Variants in C1RL observed in about 807,000 individuals in gnomAD.
The protein encoded by C1RL is complement C1r subcomponent-like protein.
In C1RL, 27 loss-of-function variants were observed where a neutral mutation model predicts 27.9. The ratio of observed to expected loss-of-function variants is 0.97; its 90% CI spans 0.71 to 1.33. The LOEUF is 1.33. Ranked by LOEUF, C1RL falls within the 40% of genes most tolerant of loss-of-function variation. C1RL has a pLI of 0.00. For synonymous variants in C1RL, 248 were observed against 252.1 expected, an observed-to-expected ratio of 0.98 and a Z score of 0.15; for missense variants, 563 against 623.9, an observed-to-expected ratio of 0.90 and a Z score of 1.04.
chr12:7,094,602 A>G lies in C1RL; in HGVS notation c.*1789T>C. 1 of 945,896 alleles carries G rather than the reference A, an allele frequency of 1.1e-6. No homozygotes were observed. Among genetic ancestry groups the G allele is most frequent in the Non-Finnish European group, 1.3e-6 (1 of 794,020 alleles). 58.6% of individuals were successfully genotyped at this position (945,896 alleles called of 1,614,324 possible). ...GCCTTGGCAGGGAGAAACTCATATCATTTTTTGCAATCATAAAAATAAGCA... is the reference window on the plus strand; with the variant it reads ...GCCTTGGCAGGGAGAAACTCATATCGTTTTTTGCAATCATAAAAATAAGCA... On this transcript the variant is annotated 3_prime_UTR_variant, in exon 6 of 6. Coordinates refer to ENST00000266542, the MANE Select transcript of C1RL (RefSeq NM_016546.4).
intron 2 of C1RL, chr12:7,108,002 G>A: frequency 4.9e-6 from 2 of 404,108 alleles, no homozygotes; most frequent in Non-Finnish European, 8.8e-6. Context: ...CCATTCATAA[G>A]CCTTCCAAAC....
intron 2 of C1RL, 176 bp downstream of exon 2, chr12:7,108,075 G>T: frequency 2.1e-6 from 1 of 483,544 alleles, no homozygotes; most frequent in Non-Finnish European, 3.6e-6. Flanking sequence ...GGAGGCGCTG[G>T]TGGGAGGCTG....
intron 2 of C1RL, among the ~76,000 whole-genome samples, chr12:7,102,524 A>T (rs1938655854): frequency 6.6e-6 from 1 of 152,162 alleles, no homozygotes; most frequent in South Asian, 2.1e-4. Flanking sequence ...AGCCCCTCCC[A>T]TCCAGCTTCT....
intron 2 of C1RL, among the ~76,000 whole-genome samples, chr12:7,102,666 C>G (rs1256739617): frequency 6.6e-6 from 1 of 152,220 alleles, no homozygotes; most frequent in African/African-American, 2.4e-5. Flanking sequence ...TGCTTTCCTT[C>G]TTTTGGGGTG....
chr12:7,106,008 T>C (rs1938755089), intron 2 of C1RL, among the ~76,000 whole-genome samples: 1 of 152,184 alleles, frequency 6.6e-6, no homozygotes, highest in African/African-American at 2.4e-5. Flanking sequence ...ATCTGGAAAT[T>C]ATTTAAAAAA....
In C1RL at chr12:7,096,619, G is replaced by A. The variant is rs373012039; in HGVS notation, c.1236C>T (p.Pro412=). The change falls in exon 6 of 6, where the codon CCC becomes CCT. Residue 412 remains proline (P), a synonymous_variant. Transcript: ENST00000266542. ...AGAACATATTGTCAGAAAACACCTC[G>A]GGTCTCTGTCTCTTTTGGAGCCAGG... is the stretch of plus-strand genomic sequence containing the variant. The part of the protein sequence containing the change: ...CNAWLQKRQR[P]EVFSDNMFCV... 45 of 1,614,094 alleles carry A rather than the reference G, an allele frequency of 2.8e-5. No individual in the cohort carries two copies. The African/African-American group carries it at 4.4e-4, about 16-fold the overall frequency.
chr12:7,105,943 T>A (rs1207376657), intron 2 of C1RL, among the ~76,000 whole-genome samples: 2 of 151,976 alleles, frequency 1.3e-5, no homozygotes, highest in Non-Finnish European at 2.9e-5. Context: ...AGAGAATCAA[T>A]CTAGAACATA....
chr12:7,106,861 T>C (rs1208045425), intron 2 of C1RL, among the ~76,000 whole-genome samples: 3 of 152,238 alleles, frequency 2.0e-5, no homozygotes, highest in African/African-American at 7.2e-5. Context: ...ACAGTCATAA[T>C]AATGTAAATA....
In C1RL at chr12:7,102,075, C is replaced by G; in HGVS notation, c.313G>C (p.Gly105Arg). The change falls in exon 3 of 6, where the codon GGT becomes CGT. Residue 105 changes from glycine (G) to arginine (R), a missense_variant. By Grantham distance (125) the Gly-to-Arg change is moderately radical (BLOSUM62 -2). Coordinates refer to ENST00000266542, the MANE Select transcript of C1RL (RefSeq NM_016546.4). ...CCACAGAACTGGCTTGGATCCGAACCGACGAATGAGATCTGAAAGCGGGAG... is the reference window on the plus strand; with the variant it reads ...CCACAGAACTGGCTTGGATCCGAACGGACGAATGAGATCTGAAAGCGGGAG... ...AGDSVTISFV[G>R]SDPSQFCGQQ... 1.2e-6 allele frequency: 2 copies of G among 1,603,656 alleles called. No homozygotes were observed. Among genetic ancestry groups the G allele is most frequent in the South Asian group, 1.1e-5 (1 of 90,916 alleles).
chr12:7,101,087 TTCCC>T (rs1565636730), intron 3 of C1RL, among the ~76,000 whole-genome samples: 1 of 101,714 alleles, frequency 9.8e-6, no homozygotes, highest in Non-Finnish European at 2.1e-5. Context: ...CCTTCCTTCC[TTCCC>T]TCCTTCCCTC....
In C1RL at chr12:7,102,535, C is replaced by T. The variant is rs544454732; in HGVS notation, c.301-448G>A. ...CATAAGCCCCTCCCATCCAGCTTCTCCTCCATCCCCAAAGCCCATCCCATC... is the reference window on the plus strand; with the variant it reads ...CATAAGCCCCTCCCATCCAGCTTCTTCTCCATCCCCAAAGCCCATCCCATC... On this transcript the variant is annotated intron_variant, in intron 2 of 5. Transcript: ENST00000266542. Among the ~76,000 whole-genome samples, 4 of 152,338 alleles carry T rather than the reference C, an allele frequency of 2.6e-5. No individual in the cohort carries two copies. The Middle Eastern group carries it at 0.014, about 518-fold the overall frequency.
chr12:7,108,879 C>A, intron 1 of C1RL: 1 of 568,670 alleles, frequency 1.8e-6, no homozygotes, highest in South Asian at 2.0e-5. Flanking sequence ...TGGGAAGGTG[C>A]TAGAGGCCAC....
chr12:7,108,195 C>T, intron 2 of C1RL, 56 bp downstream of exon 2: 3 of 1,389,632 alleles, frequency 2.2e-6, no homozygotes, highest in South Asian at 1.4e-5. Flanking sequence ...CTTCCCACAA[C>T]CCCGGGAATC....
rs1938448666 is a variant in C1RL at position 7,096,828 on chromosome 12, G to GGA, written c.1025_1026dup (p.Leu343SerfsTer44). ...AGGGGGATGCTGTGCTGCAGCTCCAGGAGGGCGATGTCCCCGCTAAAGTTA... is the reference window on the plus strand; with the variant it reads ...AGGGGGATGCTGTGCTGCAGCTCCAGGAGAGGGCGATGTCCCCGCTAAAGTTA... On this transcript the variant is annotated frameshift_variant, in exon 6 of 6. Coordinates refer to ENST00000266542, the MANE Select transcript of C1RL (RefSeq NM_016546.4). LOFTEE classifies it low-confidence loss of function (END_TRUNC). 2 of 1,604,482 alleles carry GGA rather than the reference G, an allele frequency of 1.2e-6. No homozygotes were observed. The highest frequency in any genetic ancestry group is 1.7e-6 in the Non-Finnish European group (2 of 1,174,684).
chr12:7,100,529 C>T (rs914620583), intron 3 of C1RL, among the ~76,000 whole-genome samples: 5 of 152,144 alleles, frequency 3.3e-5, no homozygotes, highest in Non-Finnish European at 5.9e-5. Context: ...TGCGGTGGCT[C>T]ACGGCTGTAA....
chr12:7,101,829 G>T, intron 3 of C1RL, 69 bp downstream of exon 3: 3 of 1,517,002 alleles, frequency 2.0e-6, no homozygotes, highest in African/African-American at 1.4e-5. Context: ...TCCACTTAAG[G>T]CTTGAAGATA....
In C1RL at chr12:7,102,035, G is replaced by A; in HGVS notation, c.353C>T (p.Pro118Leu). 6.2e-7 allele frequency: 1 copy of A among 1,614,000 alleles called. No individual in the cohort carries two copies. The highest frequency in any genetic ancestry group is 2.2e-5 in the East Asian group (1 of 44,884). ...PSQFCGQQGSPLGRPPGQREF... is the reference protein window; with the variant it reads ...PSQFCGQQGSLLGRPPGQREF... ...CCTCTGACCAGGGGGCCTGCCCAGAGGGGAGCCTTGCTGACCACAGAACTG... is the reference window on the plus strand; with the variant it reads ...CCTCTGACCAGGGGGCCTGCCCAGAAGGGAGCCTTGCTGACCACAGAACTG... The change falls in exon 3 of 6, where the codon CCT becomes CTT. Residue 118 changes from proline (P) to leucine (L), a missense_variant. By Grantham distance (98) the Pro-to-Leu change is moderately conservative. Coordinates refer to ENST00000266542, the MANE Select transcript of C1RL (RefSeq NM_016546.4).
chr12:7,098,599 G>A (rs1429628823), intron 5 of C1RL, among the ~76,000 whole-genome samples: 1 of 152,176 alleles, frequency 6.6e-6, no homozygotes, highest in Admixed American at 6.5e-5. Context: ...ACAAAATGGC[G>A]TATCCATAGA....
Position 7,096,833 on chromosome 12 carries a change from G to T in C1RL, c.1022C>A (p.Ala341Asp), listed in dbSNP as rs771490370. The T allele has an allele frequency of 6.2e-6, 10 of 1,604,284 alleles. No homozygotes were observed. In the East Asian group the frequency reaches 2.0e-4, roughly 32 times the overall value. ...GATGCTGTGCTGCAGCTCCAGGAGG[G>T]CGATGTCCCCGCTAAAGTTATGGGA... is the stretch of plus-strand genomic sequence containing the variant. ...NESHNFSGDI[A>D]LLELQHSIPL... Residue 341 changes from alanine to aspartate, a missense_variant, in exon 6 of 6, where the codon GCC becomes GAC. Transcript: ENST00000266542.
Sources: gnomAD v4.1 joint callset for allele counts (sites outside exome capture counted in the v4.1 genomes callset) on GRCh38, gnomAD v4.1.1 for gene constraint, MANE v1.5 for transcripts, NCBI Gene and HGNC (gene_info 2026-07-23, HGNC 2026-07-21) for gene names.